Variants in CNTN1 observed in about 807,000 individuals in gnomAD.
The protein encoded by CNTN1 is contactin-1.
Under a neutral mutation model 126.4 loss-of-function variants are expected in CNTN1, and 38 were observed. That is an observed-to-expected ratio of 0.30 (90% CI 0.23 to 0.39). CNTN1 has a LOEUF of 0.39. CNTN1 is among the 10% of genes least tolerant of loss of function. The probability of loss-of-function intolerance (pLI) is 1.00; values close to 1 mark genes in which losing one functional copy is unlikely to be tolerated. For synonymous variants in CNTN1, 413 were observed against 422.6 expected, an observed-to-expected ratio of 0.98 and a Z score of 0.28; for missense variants, 1,009 against 1,248.4, an observed-to-expected ratio of 0.81 and a Z score of 2.89.
intron 1 of CNTN1, among the ~76,000 whole-genome samples, chr12:40,807,039 A>T (rs145299009): frequency 2.6e-3 from 403 of 152,262 alleles, no homozygotes; most frequent in African/African-American, 9.1e-3. Flanking sequence ...GCCACACTAT[A>T]CCAAGCACAG....
chr12:40,737,250 G>A (rs1937724375), intron 1 of CNTN1, among the ~76,000 whole-genome samples: 1 of 149,862 alleles, frequency 6.7e-6, no homozygotes, highest in Non-Finnish European at 1.5e-5. Context: ...GTATTAGTCA[G>A]GGTTCTCTAG....
intron 1 of CNTN1, among the ~76,000 whole-genome samples, chr12:40,879,220 T>C (rs1347519533): frequency 6.6e-6 from 1 of 152,106 alleles, no homozygotes; most frequent in African/African-American, 2.4e-5. Context: ...ACAGCACACT[T>C]TACTGTTTCT....
chr12:40,935,130 C>T (rs1946037951), intron 9 of CNTN1, among the ~76,000 whole-genome samples: 1 of 152,004 alleles, frequency 6.6e-6, no homozygotes, highest in Admixed American at 6.6e-5. Flanking sequence ...AATGCTCTAA[C>T]CCAAACATTT....
rs547103842 is a variant in CNTN1, at chr12:41,064,131, G to A, written c.2981-5828G>A. The stretch of plus-strand genomic sequence containing the variant: ...AGAGCTTTCAGTTAGCCGAGATCGC[G>A]CCACTGCACTGCAGCCTGGGCGACT... On this transcript the variant is annotated intron_variant, in intron 23 of 23. Transcript: ENST00000551295. 4.0e-5 allele frequency among the ~76,000 whole-genome samples: 6 copies of A among 149,356 alleles called. No individual in the cohort carries two copies. In the East Asian group the frequency reaches 7.9e-4, roughly 20 times the overall value.
At chr12:41,053,867 C>T (rs186111791) in intron 23 of CNTN1, among the ~76,000 whole-genome samples, 136 of 151,668 alleles carry the variant, frequency 9.0e-4, no homozygotes, top group Admixed American at 1.8e-3. Flanking sequence ...ATACAGTGTA[C>T]CACTAAGGCA....
intron 1 of CNTN1, among the ~76,000 whole-genome samples, chr12:40,705,838 G>A (rs1941724580): frequency 6.6e-6 from 1 of 152,122 alleles, no homozygotes; most frequent in Non-Finnish European, 1.5e-5. Flanking sequence ...AGGTAAAGAG[G>A]GAGCAGGTAT....
intron 1 of CNTN1, among the ~76,000 whole-genome samples, chr12:40,865,804 TC>T (rs754215532): frequency 2.0e-5 from 3 of 152,004 alleles, no homozygotes; most frequent in Non-Finnish European, 4.4e-5. Context: ...ATATTCTGGG[TC>T]CCTTGGATTT....
At chr12:40,845,729 T>A (rs1356856710) in intron 1 of CNTN1, among the ~76,000 whole-genome samples, 1 of 152,130 alleles carries the variant, frequency 6.6e-6, no homozygotes, top group Admixed American at 6.5e-5. Flanking sequence ...AGCATCCCAC[T>A]TGGTGAGCAC....
rs116974182 is a variant in CNTN1 at position 40,819,824 on chromosome 12, C to A, written c.-76-88533C>A. Among the ~76,000 whole-genome samples the A allele has an allele frequency of 1.5e-4, 23 of 152,276 alleles. 1 individual carries two copies. The East Asian group carries it at 4.5e-3, about 30-fold the overall frequency. On this transcript the variant is annotated intron_variant, in intron 1 of 23. Coordinates refer to ENST00000551295, the MANE Select transcript of CNTN1 (RefSeq NM_001843.4). Reference sequence around the variant, plus strand: ...GGTTCACAAGTAGGATCTTCCGATCCGTGGGTTGCACATTTCTGTGGAAAA... The same window carrying A: ...GGTTCACAAGTAGGATCTTCCGATCAGTGGGTTGCACATTTCTGTGGAAAA...
At chr12:40,982,607 G>A (rs1211054617) in intron 16 of CNTN1, among the ~76,000 whole-genome samples, 2 of 152,052 alleles carry the variant, frequency 1.3e-5, no homozygotes, top group African/African-American at 4.8e-5. Context: ...GGCCCACAGT[G>A]CTCATTCATT....
At chr12:40,805,806 G>C (rs1940832459) in intron 1 of CNTN1, among the ~76,000 whole-genome samples, 2 of 152,046 alleles carry the variant, frequency 1.3e-5, no homozygotes, top group Non-Finnish European at 2.9e-5. Flanking sequence ...AAAATGAGCA[G>C]TCCCCTTCTA....
chr12:40,810,863 T>A (rs1364302640), intron 1 of CNTN1, among the ~76,000 whole-genome samples: 4 of 152,036 alleles, frequency 2.6e-5, no homozygotes, highest in Non-Finnish European at 5.9e-5. Context: ...CAAATATAAA[T>A]AAATAAATAA....
intron 1 of CNTN1, among the ~76,000 whole-genome samples, chr12:40,774,155 A>G (rs1273762811): frequency 1.1e-4 from 16 of 151,676 alleles, no homozygotes; most frequent in Admixed American, 1.1e-3. Context: ...TGGTTGATAT[A>G]GGTGGGACGA....
At chr12:40,858,777 C>T (rs1332730799) in intron 1 of CNTN1, among the ~76,000 whole-genome samples, 5 of 152,096 alleles carry the variant, frequency 3.3e-5, no homozygotes, top group Non-Finnish European at 7.4e-5. Context: ...TATATATACA[C>T]CATGGAATAC....
At chr12:40,909,227 A>G (rs567295925) in intron 2 of CNTN1, among the ~76,000 whole-genome samples, 1 of 152,232 alleles carries the variant, frequency 6.6e-6, no homozygotes, top group South Asian at 2.1e-4. Context: ...AAGAAATATT[A>G]TATTTCTGTC....
chr12:40,836,837 T>A (rs1002282486), intron 1 of CNTN1, among the ~76,000 whole-genome samples: 26 of 152,194 alleles, frequency 1.7e-4, no homozygotes, highest in Admixed American at 1.7e-3. Context: ...ATTATTTAAG[T>A]ATTAGCTCAC....
chr12:40,996,959 G>A (rs957333586), intron 17 of CNTN1, among the ~76,000 whole-genome samples: 8 of 152,192 alleles, frequency 5.3e-5, no homozygotes, highest in Non-Finnish European at 1.0e-4. Flanking sequence ...TTGATGGAAA[G>A]GTTGGTCCCC....
At position 40,782,909 on chromosome 12, in the gene CNTN1, G is replaced by C. The variant is rs1939860881; in HGVS notation, c.-77+90317G>C. Among the ~76,000 whole-genome samples the C allele has an allele frequency of 7.2e-5, 11 of 151,946 alleles. No homozygotes were observed. In the South Asian group the frequency reaches 2.3e-3, roughly 31 times the overall value. On this transcript the variant is annotated intron_variant, in intron 1 of 23. Coordinates refer to ENST00000551295, the MANE Select transcript of CNTN1 (RefSeq NM_001843.4). The stretch of plus-strand genomic sequence containing the variant: ...AACAGAAGCAATAGAGGAAGGGTGT[G>C]CATGCTGTTGCCAGAGACATAAAGG...
chr12:41,042,279 G>C (rs1302706450), intron 23 of CNTN1, among the ~76,000 whole-genome samples: 1 of 152,138 alleles, frequency 6.6e-6, no homozygotes, highest in African/African-American at 2.4e-5. Flanking sequence ...TGGTCTGAGA[G>C]ACAGTTTGTT....
Sources: allele counts gnomAD v4.1 joint callset (sites outside exome capture counted in the v4.1 genomes callset), GRCh38; gene constraint gnomAD v4.1.1; transcripts MANE v1.5; gene names NCBI Gene and HGNC (gene_info 2026-07-23, HGNC 2026-07-21).